NALF1: variants seen among roughly 807,000 people sequenced by gnomAD.
NALF1 encodes family with sequence similarity 155 member A.
In NALF1, 3 loss-of-function variants were observed where a neutral mutation model predicts 48.4. The observed-to-expected ratio is 0.06, with a 90% CI of 0.03 to 0.16. The LOEUF is 0.16. NALF1 is among the 10% of genes least tolerant of loss of function. The probability of loss-of-function intolerance (pLI) is 1.00; values close to 1 mark genes in which losing one functional copy is unlikely to be tolerated. For missense variants in NALF1, 526 were observed against 571.5 expected (o/e 0.92, Z 0.81); for synonymous variants, 262 against 245.7 (o/e 1.07, Z -0.62).
At chr13:107,267,635 C>A (rs1472121177) in intron 1 of NALF1, among the ~76,000 whole-genome samples, 1 of 152,154 alleles carries the variant, frequency 6.6e-6, no homozygotes, top group African/African-American at 2.4e-5. Context: ...CCTATATGTA[C>A]TGTTTTCTTC....
At chr13:107,818,746 C>T (rs537183714) in intron 1 of NALF1, among the ~76,000 whole-genome samples, 53 of 144,586 alleles carry the variant, frequency 3.7e-4, no homozygotes, top group Middle Eastern at 3.4e-3. Flanking sequence ...GTAGCGGGCG[C>T]CTGTAGTCCC....
chr13:107,866,679 G>A lies in NALF1; in HGVS notation c.-83C>T, dbSNP rs1387662902. 6 of 1,176,158 alleles carry A rather than the reference G, an allele frequency of 5.1e-6. No individual in the cohort carries two copies. The highest frequency in any genetic ancestry group is 3.1e-5 in the African/African-American group (2 of 64,720). 72.9% of individuals were successfully genotyped at this position (1,176,158 alleles called of 1,614,324 possible). ...ACCACAATATGCATTGACTTAAAGGGTTTAATTTCCTTATCCCCTCCTCCC... is the reference window on the plus strand; with the variant it reads ...ACCACAATATGCATTGACTTAAAGGATTTAATTTCCTTATCCCCTCCTCCC... On this transcript the variant is annotated 5_prime_UTR_variant, in exon 1 of 3. Coordinates refer to ENST00000375915, the MANE Select transcript of NALF1 (RefSeq NM_001080396.3). The surrounding 1 kb of genome is among the most constrained non-coding windows in gnomAD (Gnocchi z 4.4).
chr13:107,791,877 T>C (rs1021287106), intron 1 of NALF1, among the ~76,000 whole-genome samples: 2 of 152,066 alleles, frequency 1.3e-5, no homozygotes, highest in East Asian at 1.9e-4. Flanking sequence ...GAAGAATTGC[T>C]TGAACCCGGG....
intron 1 of NALF1, among the ~76,000 whole-genome samples, chr13:107,561,362 C>A (rs1877639480): frequency 6.6e-6 from 1 of 152,108 alleles, no homozygotes; most frequent in South Asian, 2.1e-4. Context: ...TTTTGAAGGC[C>A]AAAAGTAAGT....
chr13:107,215,039 A>C (rs1879842067), intron 1 of NALF1, among the ~76,000 whole-genome samples: 1 of 152,104 alleles, frequency 6.6e-6, no homozygotes, highest in Admixed American at 6.5e-5. Flanking sequence ...GGAGCATTGG[A>C]TACGTCGGGG....
chr13:107,835,365 C>G (rs576289503), intron 1 of NALF1: 1 of 152,282 alleles, frequency 6.6e-6, no homozygotes, highest in South Asian at 2.1e-4. Context: ...GCTCCTAACT[C>G]TCACAGACAA....
chr13:107,330,973 C>T (rs1206625815), intron 1 of NALF1, among the ~76,000 whole-genome samples: 1 of 152,010 alleles, frequency 6.6e-6, no homozygotes, highest in Non-Finnish European at 1.5e-5. Flanking sequence ...TGACTATAAC[C>T]TGTTTCATGA....
At chr13:107,316,666 T>TC (rs1315353603) in intron 1 of NALF1, among the ~76,000 whole-genome samples, 1 of 152,242 alleles carries the variant, frequency 6.6e-6, no homozygotes, top group Non-Finnish European at 1.5e-5. Context: ...GAGCATTTTT[T>TC]CAAGTGTCTT....
chr13:107,855,213 C>T (rs1330770824), intron 1 of NALF1, among the ~76,000 whole-genome samples: 2 of 152,044 alleles, frequency 1.3e-5, no homozygotes, highest in Non-Finnish European at 2.9e-5. Flanking sequence ...GTGAAAGCAC[C>T]CTGGGAATCA....
At chr13:107,256,125 T>C (rs952241511) in intron 1 of NALF1, among the ~76,000 whole-genome samples, 2 of 152,184 alleles carry the variant, frequency 1.3e-5, no homozygotes, top group African/African-American at 4.8e-5. Flanking sequence ...AAACAGACGT[T>C]ATTAAAAGTT....
chr13:107,592,371 A>C (rs567321544), intron 1 of NALF1, among the ~76,000 whole-genome samples: 2 of 152,058 alleles, frequency 1.3e-5, no homozygotes, highest in South Asian at 4.1e-4. Context: ...TTATTCTAGC[A>C]AGAGGAAGAA....
At chr13:107,476,006 A>G (rs7336493) in intron 1 of NALF1, among the ~76,000 whole-genome samples, 111,066 of 152,050 alleles carry the variant, frequency 0.73, 41,054 homozygotes, top group Middle Eastern at 0.83. Flanking sequence ...CTGAAGACAG[A>G]TTCATTGAGA....
intron 1 of NALF1, among the ~76,000 whole-genome samples, chr13:107,816,130 C>A (rs1385856759): frequency 3.3e-5 from 5 of 152,114 alleles, no homozygotes; most frequent in Non-Finnish European, 5.9e-5. Flanking sequence ...TTGAGCAAAC[C>A]TGTAAACTAA....
intron 1 of NALF1, among the ~76,000 whole-genome samples, chr13:107,413,854 T>G (rs1409889649): frequency 2.0e-5 from 3 of 152,164 alleles, no homozygotes; most frequent in Admixed American, 1.3e-4. Context: ...TGGCGCAATC[T>G]CAGCTCACTG....
chr13:107,259,207 T>G (rs1880881096), intron 1 of NALF1, among the ~76,000 whole-genome samples: 1 of 152,168 alleles, frequency 6.6e-6, no homozygotes, highest in Non-Finnish European at 1.5e-5. Flanking sequence ...AACTTTTTGA[T>G]GTAAAGTCTT....
intron 2 of NALF1, among the ~76,000 whole-genome samples, chr13:107,193,650 C>T (rs1001410324): frequency 4.6e-5 from 7 of 152,080 alleles, no homozygotes; most frequent in African/African-American, 1.7e-4. Context: ...CTGACTAACC[C>T]GACCGACCAG....
intron 1 of NALF1, among the ~76,000 whole-genome samples, chr13:107,654,081 TA>T (rs1880515156): frequency 2.0e-5 from 3 of 151,838 alleles, no homozygotes; most frequent in Non-Finnish European, 4.4e-5. Flanking sequence ...ATATAAAAGA[TA>T]AATGACACAA....
chr13:107,299,087 G>C (rs2138890550), intron 1 of NALF1, among the ~76,000 whole-genome samples: 2 of 152,086 alleles, frequency 1.3e-5, no homozygotes, highest in South Asian at 2.1e-4. Flanking sequence ...ATGAGCACTG[G>C]TCAGTTACTT....
chr13:107,851,315 C>T (rs1880308049), intron 1 of NALF1, among the ~76,000 whole-genome samples: 1 of 151,422 alleles, frequency 6.6e-6, no homozygotes, highest in African/African-American at 2.4e-5. Context: ...TAAAATTGCA[C>T]ATCTGGAAAA....
Sources: allele counts gnomAD v4.1 joint callset (sites outside exome capture counted in the v4.1 genomes callset), GRCh38; gene constraint gnomAD v4.1.1; non-coding constraint Gnocchi (gnomAD v3.1); transcripts MANE v1.5; gene names NCBI Gene and HGNC (gene_info 2026-07-23, HGNC 2026-07-21).